Variants in HHAT observed in about 807,000 individuals in gnomAD.
HHAT encodes protein-cysteine N-palmitoyltransferase HHAT.
HHAT carries 47 observed loss-of-function variants against 70.8 expected under a neutral mutation model. The observed-to-expected ratio is 0.66, with a 90% CI of 0.53 to 0.85. HHAT has a LOEUF of 0.85. Ranked by LOEUF, HHAT falls within the 40% of genes least tolerant of loss-of-function variation. The pLI, the probability that HHAT is intolerant of heterozygous loss-of-function variation, is 0.00. For synonymous variants in HHAT, 228 were observed against 247.6 expected, an observed-to-expected ratio of 0.92 and a Z score of 0.74; for missense variants, 609 against 604.8, an observed-to-expected ratio of 1.01 and a Z score of -0.07.
chr1:210,668,990 G>A lies in HHAT; in HGVS notation c.1391-5298G>A, dbSNP rs1033904338. 2.6e-5 allele frequency among the ~76,000 whole-genome samples: 4 copies of A among 152,106 alleles called. No homozygotes were observed. In the East Asian group the frequency reaches 7.7e-4, roughly 29 times the overall value. Reference sequence around the variant, plus strand: ...GGGTTTCACTATGTTGACCAGGCTGGTTTCAAATGCCTGACCTCGTGATCC... The same window carrying A: ...GGGTTTCACTATGTTGACCAGGCTGATTTCAAATGCCTGACCTCGTGATCC... On this transcript the variant is annotated intron_variant, in intron 11 of 11. Transcript: ENST00000261458.
At chr1:210,340,783 C>G (rs2085974316) in intron 1 of HHAT, among the ~76,000 whole-genome samples, 1 of 152,142 alleles carries the variant, frequency 6.6e-6, no homozygotes, top group Non-Finnish European at 1.5e-5. Flanking sequence ...CACTTATATT[C>G]TAGCTTTCCT....
chr1:210,596,951 C>A (rs1211601178), intron 10 of HHAT, among the ~76,000 whole-genome samples: 2 of 152,134 alleles, frequency 1.3e-5, no homozygotes, highest in African/African-American at 4.8e-5. Context: ...CTTCTTTGTG[C>A]CTATCCTTCT....
At chr1:210,555,181 T>C (rs540790030) in intron 9 of HHAT, among the ~76,000 whole-genome samples, 7 of 152,150 alleles carry the variant, frequency 4.6e-5, no homozygotes, top group Non-Finnish European at 8.8e-5. Context: ...ACCAACCAAT[T>C]TGAAGAAGCA....
intron 9 of HHAT, among the ~76,000 whole-genome samples, chr1:210,585,435 C>T (rs551034248): frequency 1.0e-3 from 157 of 151,860 alleles, no homozygotes; most frequent in African/African-American, 3.5e-3. Context: ...TTTTTTGAGA[C>T]GGAGTCTTGC....
rs761432295 is a variant in HHAT, at chr1:210,362,832, G to C, written c.92-20G>C. ...TTTGTTTAGATTTGTGACTAACGAAGACTTTTTTTTTTTGGTCAGAACACG... is the reference window on the plus strand; with the variant it reads ...TTTGTTTAGATTTGTGACTAACGAACACTTTTTTTTTTTGGTCAGAACACG... On this transcript the variant is annotated intron_variant, in intron 2 of 11. Coordinates refer to ENST00000261458, the MANE Select transcript of HHAT (RefSeq NM_018194.6). The C allele has an allele frequency of 6.3e-7, 1 of 1,596,596 alleles. No homozygotes were observed. The highest frequency in any genetic ancestry group is 1.3e-5 in the African/African-American group (1 of 74,392).
chr1:210,348,164 G>C (rs1397637978), intron 1 of HHAT, among the ~76,000 whole-genome samples: 2 of 152,180 alleles, frequency 1.3e-5, no homozygotes, highest in African/African-American at 4.8e-5. Context: ...AGGATCACTT[G>C]AGGCCAGGAA....
At chr1:210,581,978 T>C (rs925678004) in intron 9 of HHAT, among the ~76,000 whole-genome samples, 3 of 152,144 alleles carry the variant, frequency 2.0e-5, no homozygotes, top group African/African-American at 4.8e-5. Context: ...AATCTTACAA[T>C]TGAGTTAAAA....
At chr1:210,399,581 A>G (rs1437457200) in intron 4 of HHAT, among the ~76,000 whole-genome samples, 3 of 152,182 alleles carry the variant, frequency 2.0e-5, no homozygotes, top group Non-Finnish European at 4.4e-5. Context: ...CATTTGCCTC[A>G]GGTCACACAG....
chr1:210,648,633 C>T (rs1473214878), intron 11 of HHAT, among the ~76,000 whole-genome samples: 2 of 145,172 alleles, frequency 1.4e-5, no homozygotes, highest in Non-Finnish European at 3.1e-5. Context: ...AATTTATATA[C>T]ACTTACTGTT....
intron 8 of HHAT, among the ~76,000 whole-genome samples, chr1:210,495,024 G>C (rs1014926527): frequency 2.6e-5 from 4 of 152,070 alleles, no homozygotes; most frequent in African/African-American, 9.7e-5. Flanking sequence ...TGAGTACACA[G>C]AGGAGAGAAG....
intron 3 of HHAT, among the ~76,000 whole-genome samples, chr1:210,376,014 ATTTTTT>A (rs57707354): frequency 1.0e-4 from 11 of 108,908 alleles, no homozygotes; most frequent in African/African-American, 3.7e-4. Context: ...TGCACAGCTA[ATTTTTT>A]TTTTTTTTTT....
intron 8 of HHAT, among the ~76,000 whole-genome samples, chr1:210,485,745 C>T (rs1558613127): frequency 1.3e-5 from 2 of 152,062 alleles, no homozygotes; most frequent in South Asian, 2.1e-4. Context: ...TGTCAGATCT[C>T]GTGAGACTCA....
At chr1:210,643,514 C>T (rs1215454942) in intron 11 of HHAT, among the ~76,000 whole-genome samples, 2 of 152,196 alleles carry the variant, frequency 1.3e-5, no homozygotes, top group African/African-American at 4.8e-5. Flanking sequence ...TGTTCTGGAA[C>T]ATACCATGCG....
intron 7 of HHAT, among the ~76,000 whole-genome samples, chr1:210,445,371 C>G (rs898811055): frequency 1.3e-5 from 2 of 152,176 alleles, no homozygotes; most frequent in Non-Finnish European, 2.9e-5. Context: ...TTTCAACCTA[C>G]TTTGAAAGCT....
intron 10 of HHAT, among the ~76,000 whole-genome samples, chr1:210,614,735 A>G (rs1667318650): frequency 6.6e-6 from 1 of 152,218 alleles, no homozygotes; most frequent in South Asian, 2.1e-4. Context: ...TACAAAGGAC[A>G]TGAACTCATC....
chr1:210,459,110 A>G (rs757035534), intron 7 of HHAT, among the ~76,000 whole-genome samples: 4 of 152,208 alleles, frequency 2.6e-5, no homozygotes, highest in Non-Finnish European at 5.9e-5. Flanking sequence ...GTTAGGCAGA[A>G]TTAACTACAC....
chr1:210,542,937 AG>A (rs1226774125), intron 9 of HHAT, among the ~76,000 whole-genome samples: 1 of 152,214 alleles, frequency 6.6e-6, no homozygotes, highest in Non-Finnish European at 1.5e-5. Flanking sequence ...CAAAAGGTTT[AG>A]GGGCTGATCT....
chr1:210,328,621 A>G (rs2084710667), upstream of HHAT, among the ~76,000 whole-genome samples: 1 of 152,156 alleles, frequency 6.6e-6, no homozygotes, highest in South Asian at 2.1e-4. Flanking sequence ...TGTTGGAATG[A>G]CGGCCCACCT....
chr1:210,344,595 C>T (rs992026608), intron 1 of HHAT, among the ~76,000 whole-genome samples: 1 of 152,124 alleles, frequency 6.6e-6, no homozygotes, highest in African/African-American at 2.4e-5. Context: ...AGTGGCTTAG[C>T]CATCAACCCC....
Sources: allele counts gnomAD v4.1 joint callset (sites outside exome capture counted in the v4.1 genomes callset), GRCh38; gene constraint gnomAD v4.1.1; transcripts MANE v1.5; gene names NCBI Gene and HGNC (gene_info 2026-07-23, HGNC 2026-07-21).